The following KBTBD12 variants were observed in gnomAD, a reference collection of about 807,000 sequenced individuals.
The protein encoded by KBTBD12 is kelch repeat and BTB domain-containing protein 12.
A neutral mutation model predicts 58.7 loss-of-function variants in KBTBD12; 53 were observed. The observed-to-expected ratio is 0.90, with a 90% confidence interval of 0.72 to 1.14. The LOEUF (loss-of-function observed/expected upper bound fraction) is 1.14. KBTBD12 is among the 50% of genes most tolerant of loss of function. The probability of loss-of-function intolerance (pLI) is 0.00; values close to 1 mark genes in which losing one functional copy is unlikely to be tolerated. For missense variants in KBTBD12, 704 were observed against 751.3 expected (o/e 0.94, Z 0.74); for synonymous variants, 236 against 259.8 (o/e 0.91, Z 0.88).
At chr3:127,921,611 T>C (rs549442976) in intron 1 of KBTBD12, among the ~76,000 whole-genome samples, 102 of 152,262 alleles carry the variant, frequency 6.7e-4, no homozygotes, top group Non-Finnish European at 1.2e-3. Flanking sequence ...ATTCATTTGG[T>C]CTATAAACCC....
In KBTBD12 at chr3:127,923,735, T is replaced by G. The variant is rs1410839353; in HGVS notation, c.674T>G (p.Val225Gly). The G allele has an allele frequency of 6.2e-7, 1 of 1,613,894 alleles. No homozygotes were observed. The highest frequency in any genetic ancestry group is 1.3e-5 in the African/African-American group (1 of 75,054). Reference sequence around the variant, plus strand: ...TTGAAGCAAGTCAGATTGGAACTTGTAAATCCTTCTTTTTTAAGACAAGCC... The same window carrying G: ...TTGAAGCAAGTCAGATTGGAACTTGGAAATCCTTCTTTTTTAAGACAAGCC... The part of the protein sequence containing the change: ...ELLKQVRLEL[V>G]NPSFLRQALR... The change falls in exon 2 of 6, where the codon GTA (valine) becomes GGA (glycine). Residue 225 changes from valine to glycine, a missense_variant. Coordinates refer to ENST00000405109, the MANE Select transcript of KBTBD12 (RefSeq NM_207335.4).
At chr3:127,922,313 T>C (rs1170561052) in intron 1 of KBTBD12, among the ~76,000 whole-genome samples, 9 of 152,152 alleles carry the variant, frequency 5.9e-5, no homozygotes, top group African/African-American at 2.2e-4. Flanking sequence ...TTTAGTTGTA[T>C]ATTTTAAATA....
At position 127,963,175 on chromosome 3, in the gene KBTBD12, A is replaced by C; in HGVS notation, c.1493-14A>C. The C allele has an allele frequency of 6.3e-7, 1 of 1,583,530 alleles. No homozygotes were observed. Among genetic ancestry groups the C allele is most frequent in the Non-Finnish European group, 8.6e-7 (1 of 1,163,792 alleles). On this transcript the variant is annotated splice_polypyrimidine_tract_variant and intron_variant, in intron 4 of 5. Coordinates refer to ENST00000405109, the MANE Select transcript of KBTBD12 (RefSeq NM_207335.4). The stretch of plus-strand genomic sequence containing the variant: ...GTTCCTGATCCTCTCATTTCTCCAC[A>C]TAATTCTCTGCAGGTGGCATTGGCT...
chr3:127,950,155 A>C (rs538700143), intron 4 of KBTBD12, among the ~76,000 whole-genome samples: 18 of 152,324 alleles, frequency 1.2e-4, no homozygotes, highest in African/African-American at 4.1e-4. Context: ...TAATATTTGC[A>C]ATATACATAA....
rs1461233951 is a variant in KBTBD12, at chr3:127,963,240, A to T, written c.1544A>T (p.Asp515Val). 6.2e-7 allele frequency: 1 copy of T among 1,612,808 alleles called. No homozygotes were observed. The highest frequency in any genetic ancestry group is 8.5e-7 in the Non-Finnish European group (1 of 1,179,538). The change falls in exon 5 of 6, where the codon GAC becomes GTC. Residue 515 changes from aspartate to valine, a missense_variant. Physicochemically the swap from Asp to Val is radical, Grantham distance 152 (BLOSUM62 -3). Coordinates refer to ENST00000405109, the MANE Select transcript of KBTBD12 (RefSeq NM_207335.4). Reference protein sequence around the residue: ...QDKGQVRKCLDVVEIYNPDGD... With the variant: ...QDKGQVRKCLVVVEIYNPDGD... ...AAGGGCCAGGTTCGAAAATGCCTTG[A>T]CGTGGTGGAGATCTACAACCCAGAT...
intron 1 of KBTBD12, among the ~76,000 whole-genome samples, chr3:127,918,709 C>T (rs921760151): frequency 2.4e-5 from 3 of 127,448 alleles, no homozygotes; most frequent in African/African-American, 7.9e-5. Flanking sequence ...GAGACTCCGT[C>T]TCAAAAAAAA....
intron 4 of KBTBD12, among the ~76,000 whole-genome samples, chr3:127,940,264 A>C (rs1312429638): frequency 6.6e-6 from 1 of 152,140 alleles, no homozygotes; most frequent in Non-Finnish European, 1.5e-5. Flanking sequence ...AACCAACTAG[A>C]TCTAACTGAC....
chr3:127,970,107 AGAT>A (rs957563021), intron 5 of KBTBD12, among the ~76,000 whole-genome samples: 2 of 152,210 alleles, frequency 1.3e-5, no homozygotes, highest in African/African-American at 4.8e-5. Flanking sequence ...AATAATAAAA[AGAT>A]AACATATTTT....
At chr3:127,970,476 C>G (rs1428857001) in intron 5 of KBTBD12, among the ~76,000 whole-genome samples, 1 of 152,162 alleles carries the variant, frequency 6.6e-6, no homozygotes, top group African/African-American at 2.4e-5. Context: ...TGAATGTTCA[C>G]AGCAGCAGCA....
At chr3:127,963,605 C>A (rs1456116063) in intron 5 of KBTBD12, 2 of 479,846 alleles carry the variant, frequency 4.2e-6, no homozygotes, top group East Asian at 3.6e-5. Flanking sequence ...TAAATGGAAT[C>A]TAGTTTACGG....
At chr3:127,965,590 T>A (rs1940547724) in intron 5 of KBTBD12, among the ~76,000 whole-genome samples, 1 of 152,246 alleles carries the variant, frequency 6.6e-6, no homozygotes, top group Non-Finnish European at 1.5e-5. Flanking sequence ...TCTCTTTTAA[T>A]ATACTTAATT....
chr3:127,935,894 G>A (rs1939819932), intron 4 of KBTBD12, among the ~76,000 whole-genome samples: 1 of 152,018 alleles, frequency 6.6e-6, no homozygotes, highest in South Asian at 2.1e-4. Context: ...GACATAAAAT[G>A]CAAAAAGTAA....
intron 5 of KBTBD12, among the ~76,000 whole-genome samples, chr3:127,970,956 TAA>T (rs1410067216): frequency 2.0e-5 from 3 of 152,190 alleles, no homozygotes; most frequent in African/African-American, 7.2e-5. Context: ...TATACCTCAA[TAA>T]AGCTGTTGTT....
At chr3:127,955,726 A>G (rs1035951802) in intron 4 of KBTBD12, among the ~76,000 whole-genome samples, 20 of 152,240 alleles carry the variant, frequency 1.3e-4, no homozygotes, top group African/African-American at 4.8e-4. Flanking sequence ...TGGAAAGGTA[A>G]TATCATATTA....
intron 4 of KBTBD12, among the ~76,000 whole-genome samples, chr3:127,938,296 G>T (rs554436105): frequency 6.6e-6 from 1 of 152,176 alleles, no homozygotes; most frequent in Non-Finnish European, 1.5e-5. Context: ...GTTGGGACAG[G>T]GGTGAGTGGA....
intron 5 of KBTBD12, among the ~76,000 whole-genome samples, chr3:127,978,960 G>T (rs1481727688): frequency 1.3e-5 from 2 of 152,136 alleles, no homozygotes; most frequent in African/African-American, 4.8e-5. Context: ...AAAGTTGGAC[G>T]TGAGCTCCTG....
intron 5 of KBTBD12, among the ~76,000 whole-genome samples, chr3:127,969,201 A>T (rs891853624): frequency 2.6e-5 from 4 of 152,224 alleles, no homozygotes; most frequent in African/African-American, 9.6e-5. Flanking sequence ...TTAAAAAGCT[A>T]CTAGAGCTAA....
At chr3:127,972,109 C>T (rs1237679872) in intron 5 of KBTBD12, among the ~76,000 whole-genome samples, 1 of 152,154 alleles carries the variant, frequency 6.6e-6, no homozygotes, top group Non-Finnish European at 1.5e-5. Context: ...ACCTGGTTAC[C>T]CTGTGCTAGG....
In KBTBD12 at chr3:127,962,981, A is replaced by G. The variant is rs1166230221; in HGVS notation, c.1493-208A>G. 2.6e-5 allele frequency among the ~76,000 whole-genome samples: 4 copies of G among 152,366 alleles called. No homozygotes were observed. In the East Asian group the frequency reaches 7.7e-4, roughly 29 times the overall value. Reference sequence around the variant, plus strand: ...ATGCATGATCACAAACAAGGAGAACACTATGAATAAAAATGACATTGAATG... The same window carrying G: ...ATGCATGATCACAAACAAGGAGAACGCTATGAATAAAAATGACATTGAATG... On this transcript the variant is annotated intron_variant, in intron 4 of 5. Transcript: ENST00000405109.
Sources: allele counts gnomAD v4.1 joint callset (sites outside exome capture counted in the v4.1 genomes callset), GRCh38; gene constraint gnomAD v4.1.1; transcripts MANE v1.5; gene names NCBI Gene and HGNC (gene_info 2026-07-23, HGNC 2026-07-21).